PCDHGB7: variants seen among roughly 807,000 people sequenced by gnomAD.
PCDHGB7 encodes protocadherin gamma-B7.
Under a neutral mutation model 61.4 loss-of-function variants are expected in PCDHGB7, and 37 were observed. The ratio of observed to expected loss-of-function variants is 0.60; its 90% CI spans 0.46 to 0.79. The LOEUF (loss-of-function observed/expected upper bound fraction) is 0.79, where lower values mean the gene tolerates loss of function less well. Among genes scored for constraint, PCDHGB7 ranks in the 30% least tolerant of loss-of-function variants. PCDHGB7 has a pLI of 0.00. For synonymous variants in PCDHGB7, 464 were observed against 503.5 expected (o/e 0.92, Z 1.05); for missense variants, 1,166 against 1,202.5 (o/e 0.97, Z 0.45).
rs745435492 is a variant in PCDHGB7, at chr5:141,489,215, A to G, written c.2416-5592A>G. The G allele has an allele frequency of 4.1e-6, 6 of 1,475,362 alleles. No homozygotes were observed. Among genetic ancestry groups the G allele is most frequent in the Non-Finnish European group, 5.5e-6 (6 of 1,093,140 alleles). 91.4% of individuals were successfully genotyped at this position (1,475,362 alleles called of 1,614,324 possible). A position where few individuals can be genotyped will look rare whatever the true frequency, so the allele number is the denominator to read the frequency against. ...CTTGGAGACAGGACAGCACAGACTT[A>G]CTCTCCACAAAGGGACTTCTGGGTC... On this transcript the variant is annotated intron_variant, in intron 1 of 3. Coordinates refer to ENST00000398594, the MANE Select transcript of PCDHGB7 (RefSeq NM_018927.4). The surrounding 1 kb of genome is among the most constrained non-coding windows in gnomAD (Gnocchi z 4.5).
rs1362252002 is a variant in PCDHGB7, at chr5:141,486,112, G to C, written c.2416-8695G>C. ...TGGGGCCCCTAGACTTTGAGAGTGA[G>C]AATTACTATGAATTTGATGTGCGGG... On this transcript the variant is annotated intron_variant, in intron 1 of 3. Coordinates refer to ENST00000398594, the MANE Select transcript of PCDHGB7 (RefSeq NM_018927.4). The surrounding 1 kb of genome is among the most constrained non-coding windows in gnomAD (Gnocchi z 5.0). 6 of 1,614,166 alleles carry C rather than the reference G, an allele frequency of 3.7e-6. No individual in the cohort carries two copies. The highest frequency in any genetic ancestry group is 1.7e-6 in the Non-Finnish European group (2 of 1,180,024).
At chr5:141,449,588 CAAAAAAA>C (rs768743917) in intron 1 of PCDHGB7, among the ~76,000 whole-genome samples, 5 of 57,506 alleles carry the variant, frequency 8.7e-5, no homozygotes, top group Admixed American at 3.6e-4. Flanking sequence ...GACTCTGTCT[CAAAAAAA>C]AAAAAAAAAA....
intron 1 of PCDHGB7, among the ~76,000 whole-genome samples, chr5:141,450,038 A>G (rs2098666630): frequency 8.1e-6 from 1 of 124,190 alleles, no homozygotes; most frequent in African/African-American, 3.3e-5. Context: ...ACAGGGTCTC[A>G]CTCTTTCGCC....
chr5:141,499,599 C>G (rs2099792919), intron 2 of PCDHGB7, among the ~76,000 whole-genome samples: 2 of 152,102 alleles, frequency 1.3e-5, no homozygotes, highest in South Asian at 4.1e-4. Context: ...TCACCTATAT[C>G]CCTACCCTTA....
intron 1 of PCDHGB7, among the ~76,000 whole-genome samples, chr5:141,472,131 A>C (rs565506002): frequency 6.6e-6 from 1 of 152,264 alleles, no homozygotes; most frequent in Non-Finnish European, 1.5e-5. Flanking sequence ...AGAGAAGTTA[A>C]AAATAAAAGT....
At position 141,454,320 on chromosome 5, in the gene PCDHGB7, C is replaced by T. The variant is rs140074578; in HGVS notation, c.2415+34046C>T. ...CAGATATTTCAAAGCATTGAAACCTCCAAGAATAAATAAAATGTTGGAAGT... is the reference window on the plus strand; with the variant it reads ...CAGATATTTCAAAGCATTGAAACCTTCAAGAATAAATAAAATGTTGGAAGT... On this transcript the variant is annotated intron_variant, in intron 1 of 3. Coordinates refer to ENST00000398594, the MANE Select transcript of PCDHGB7 (RefSeq NM_018927.4). Among the ~76,000 whole-genome samples, 592 of 152,266 alleles carry T rather than the reference C, an allele frequency of 3.9e-3. 6 individuals are homozygous for T. Among genetic ancestry groups the T allele is most frequent in the Admixed American group, 0.011 (171 of 15,288 alleles).
At position 141,418,595 on chromosome 5, in the gene PCDHGB7, G is replaced by A. The variant is rs1331897624; in HGVS notation, c.736G>A (p.Val246Met). The A allele has an allele frequency of 2.5e-6, 4 of 1,613,928 alleles. No individual in the cohort carries two copies. Among genetic ancestry groups the A allele is most frequent in the Admixed American group, 3.3e-5 (2 of 60,006 alleles). Residue 246 changes from valine (V) to methionine (M), a missense_variant, in exon 1 of 4, where the codon GTG (valine) becomes ATG (methionine). By Grantham distance (21) the Val-to-Met change is conservative (BLOSUM62 1). Transcript: ENST00000398594. ...CAACCCCCCAGTGTTCAGCCAGGAC[G>A]TGTACAGGGTTAGCCTTCGGGAAGA... ...NDNPPVFSQDVYRVSLREDVP... is the reference protein window; with the variant it reads ...NDNPPVFSQDMYRVSLREDVP...
intron 2 of PCDHGB7, among the ~76,000 whole-genome samples, chr5:141,498,815 C>T (rs1595543994): frequency 6.6e-6 from 1 of 152,032 alleles, no homozygotes. Flanking sequence ...CACCTGTAGT[C>T]CCAGCTACTC....
Position 141,485,096 on chromosome 5 carries a change from C to T in PCDHGB7, c.2416-9711C>T, listed in dbSNP as rs1166994104. On this transcript the variant is annotated intron_variant, in intron 1 of 3. Coordinates refer to ENST00000398594, the MANE Select transcript of PCDHGB7 (RefSeq NM_018927.4). This position sits in a 1 kb window ranked among gnomAD's most constrained non-coding sequence, Gnocchi z 5.7. The stretch of plus-strand genomic sequence containing the variant: ...CGCGGGGAAAGGGAGATAGGTGTCT[C>T]CAGCTGCTGTGGCTGTTTGGGGCGG... The T allele has an allele frequency of 1.8e-6, 2 of 1,125,566 alleles. No homozygotes were observed. The highest frequency in any genetic ancestry group is 3.1e-5 in the African/African-American group (2 of 64,908). 69.7% of individuals were successfully genotyped at this position (1,125,566 alleles called of 1,614,324 possible).
In PCDHGB7 at chr5:141,476,291, G is replaced by T. The variant is rs1385060012; in HGVS notation, c.2416-18516G>T. The stretch of plus-strand genomic sequence containing the variant: ...GGTCGCGAACCTTGGTTTGGATCTC[G>T]GTAGCCTCTCAGCCCGCAGGTTCCG... On this transcript the variant is annotated intron_variant, in intron 1 of 3. Coordinates refer to ENST00000398594, the MANE Select transcript of PCDHGB7 (RefSeq NM_018927.4). This position sits in a 1 kb window ranked among gnomAD's most constrained non-coding sequence, Gnocchi z 7.6. 4 of 1,614,128 alleles carry T rather than the reference G, an allele frequency of 2.5e-6. No homozygotes were observed. Among genetic ancestry groups the T allele is most frequent in the South Asian group, 1.1e-5 (1 of 91,072 alleles).
chr5:141,487,029 T>C lies in PCDHGB7; in HGVS notation c.2416-7778T>C. 1.2e-6 allele frequency: 2 copies of C among 1,614,226 alleles called. No individual in the cohort carries two copies. Among genetic ancestry groups the C allele is most frequent in the Non-Finnish European group, 1.7e-6 (2 of 1,180,040 alleles). ...CTGGAGGCCCCAGATCCCAGCCTGT[T>C]TGCAGTCTCTCGATATGCTGGGGAG... is the stretch of plus-strand genomic sequence containing the variant. On this transcript the variant is annotated intron_variant, in intron 1 of 3. Coordinates refer to ENST00000398594, the MANE Select transcript of PCDHGB7 (RefSeq NM_018927.4). The surrounding 1 kb of genome is among the most constrained non-coding windows in gnomAD (Gnocchi z 5.0).
intron 1 of PCDHGB7, chr5:141,423,625 A>G (rs375112361): frequency 1.6e-5 from 25 of 1,606,754 alleles, no homozygotes; most frequent in Admixed American, 6.8e-5. Flanking sequence ...AGACTCAGCT[A>G]TCATTTTAGG....
At chr5:141,426,022 T>A (rs1174153557) in intron 1 of PCDHGB7, among the ~76,000 whole-genome samples, 3 of 152,204 alleles carry the variant, frequency 2.0e-5, no homozygotes, top group Admixed American at 2.0e-4. Flanking sequence ...GTTTTCTAAA[T>A]AGACTCAGAG....
Position 141,477,176 on chromosome 5 carries a change from G to A in PCDHGB7, c.2416-17631G>A. ...GAATGACAACGCCCCGGAGATCACA[G>A]TCACCTCCGTGTACAGCCCAGTACC... On this transcript the variant is annotated intron_variant, in intron 1 of 3. Transcript: ENST00000398594. The surrounding 1 kb of genome is among the most constrained non-coding windows in gnomAD (Gnocchi z 4.9). 2 of 1,614,206 alleles carry A rather than the reference G, an allele frequency of 1.2e-6. No individual in the cohort carries two copies. Among genetic ancestry groups the A allele is most frequent in the Admixed American group, 1.7e-5 (1 of 60,024 alleles).
chr5:141,501,017 C>T (rs1383853662), intron 2 of PCDHGB7, among the ~76,000 whole-genome samples: 5 of 151,866 alleles, frequency 3.3e-5, no homozygotes, highest in African/African-American at 7.3e-5. Flanking sequence ...TACAGGCACG[C>T]GCCACCACGC....
intron 1 of PCDHGB7, among the ~76,000 whole-genome samples, chr5:141,492,437 C>T (rs182333697): frequency 8.5e-5 from 13 of 152,332 alleles, no homozygotes; most frequent in Admixed American, 8.5e-4. Flanking sequence ...CAGGAGTACT[C>T]GTAGCTGATT....
intron 1 of PCDHGB7, chr5:141,430,740 A>C (rs1485485180): frequency 5.3e-6 from 8 of 1,497,664 alleles, no homozygotes; most frequent in Non-Finnish European, 7.1e-6. Context: ...AATTGAAAAT[A>C]ATTCTGGAGG....
In PCDHGB7 at chr5:141,489,984, T is replaced by C; in HGVS notation, c.2416-4823T>C. The C allele has an allele frequency of 1.2e-6, 2 of 1,614,212 alleles. No homozygotes were observed. Among genetic ancestry groups the C allele is most frequent in the South Asian group, 1.1e-5 (1 of 91,090 alleles). ...CAACCTTCCAATCCTCAGTTCTACG[T>C]GTGGGAATCCCAGAGAATGCACCCA... On this transcript the variant is annotated intron_variant, in intron 1 of 3. Transcript: ENST00000398594. The surrounding 1 kb of genome is among the most constrained non-coding windows in gnomAD (Gnocchi z 4.5).
chr5:141,461,230 G>T (rs945407206), intron 1 of PCDHGB7, among the ~76,000 whole-genome samples: 2 of 152,024 alleles, frequency 1.3e-5, no homozygotes, highest in African/African-American at 4.8e-5. Flanking sequence ...TTCCATAGAG[G>T]TTGTACTAAT....
Sources: gnomAD v4.1 joint callset for allele counts (sites outside exome capture counted in the v4.1 genomes callset) on GRCh38, gnomAD v4.1.1 for gene constraint, Gnocchi (gnomAD v3.1) non-coding constraint, MANE v1.5 for transcripts, NCBI Gene and HGNC (gene_info 2026-07-23, HGNC 2026-07-21) for gene names.